The following PCDH10 variants were observed in gnomAD, a reference collection of about 807,000 sequenced individuals.
PCDH10 encodes protocadherin-10.
PCDH10 carries 15 observed loss-of-function variants against 74.4 expected under a neutral mutation model. The observed-to-expected ratio is 0.20, with a 90% CI of 0.13 to 0.31. The LOEUF (loss-of-function observed/expected upper bound fraction) is 0.31. Ranked by LOEUF, PCDH10 falls within the 10% of genes least tolerant of loss-of-function variation. The probability of loss-of-function intolerance (pLI) is 1.00; values close to 1 mark genes in which losing one functional copy is unlikely to be tolerated. For missense variants in PCDH10, 1,260 were observed against 1,390.2 expected, an observed-to-expected ratio of 0.91 and a Z score of 1.49; for synonymous variants, 619 against 589.8, an observed-to-expected ratio of 1.05 and a Z score of -0.72.
In PCDH10 at chr4:133,151,765, A is replaced by G; in HGVS notation, c.1625A>G (p.Gln542Arg). ...GAGCAGCTGAAGGACTTCAGTTTTC[A>G]GGTGGAAGCCCGGGACGCTGGCAGC... ...DYEQLKDFSF[Q>R]VEARDAGSPQ... Residue 542 changes from glutamine (Q) to arginine (R), a missense_variant, in exon 1 of 5, where the codon CAG becomes CGG. By Grantham distance (43) the Gln-to-Arg change is conservative (BLOSUM62 1). Coordinates refer to ENST00000264360, the MANE Select transcript of PCDH10 (RefSeq NM_032961.3). 6.8e-6 allele frequency: 11 copies of G among 1,613,124 alleles called. No individual in the cohort carries two copies. Among genetic ancestry groups the G allele is most frequent in the Non-Finnish European group, 9.3e-6 (11 of 1,180,044 alleles).
intron 3 of PCDH10, among the ~76,000 whole-genome samples, chr4:133,160,869 C>G (rs1300172662): frequency 6.6e-6 from 1 of 151,728 alleles, no homozygotes; most frequent in East Asian, 1.9e-4. Flanking sequence ...TAATTTTACT[C>G]TTAAAGACGT....
intron 4 of PCDH10, among the ~76,000 whole-genome samples, chr4:133,186,513 G>A (rs1384611534): frequency 1.3e-5 from 2 of 152,056 alleles, no homozygotes; most frequent in Admixed American, 6.6e-5. Context: ...ATATTAGAAA[G>A]CATAGAGATT....
chr4:133,193,334 A>T lies in PCDH10; in HGVS notation c.*3174A>T, dbSNP rs1040716125. 7 of 151,716 alleles carry T rather than the reference A, an allele frequency of 4.6e-5. No individual in the cohort carries two copies. The highest frequency in any genetic ancestry group is 2.6e-4 in the Admixed American group (4 of 15,190). 9.4% of individuals were successfully genotyped at this position (151,716 alleles called of 1,614,324 possible). On this transcript the variant is annotated 3_prime_UTR_variant, in exon 5 of 5. Coordinates refer to ENST00000264360, the MANE Select transcript of PCDH10 (RefSeq NM_032961.3). ...GTGTATTTTATTTTTTAAAGATATT[A>T]AATGCACTGCCTTTATCAAACATTG...
At chr4:133,153,325 A>G (rs1273722419) in intron 1 of PCDH10, 1 of 951,872 alleles carries the variant, frequency 1.1e-6, no homozygotes, top group Non-Finnish European at 1.3e-6. Flanking sequence ...CGGGTTGCAA[A>G]AAAAGCCTTC....
chr4:133,174,995 A>T (rs1727264305), intron 4 of PCDH10, among the ~76,000 whole-genome samples: 1 of 151,654 alleles, frequency 6.6e-6, no homozygotes, highest in East Asian at 1.9e-4. Context: ...TTCCTTGATA[A>T]TGTAAATCAC....
rs1203058684 is a variant in PCDH10 at position 133,193,966 on chromosome 4, C to T, written c.*3806C>T. 7.3e-5 allele frequency: 11 copies of T among 151,552 alleles called. No homozygotes were observed. 9.4% of individuals were successfully genotyped at this position (151,552 alleles called of 1,614,324 possible). ...AAAATTATTTTATATATTGTTAGTA[C>T]TTCAACAAACATCCCTCTGCTAAGT... On this transcript the variant is annotated 3_prime_UTR_variant, in exon 5 of 5. Coordinates refer to ENST00000264360, the MANE Select transcript of PCDH10 (RefSeq NM_032961.3).
In PCDH10 at chr4:133,151,888, G is replaced by A; in HGVS notation, c.1748G>A (p.Gly583Glu). ...GTGGCGCCTCTACCAGGGCGCAACG[G>A]GACTCCAGCGCGTGAGGTGCTGCCC... ...AIVAPLPGRNGTPAREVLPRS... is the reference protein window; with the variant it reads ...AIVAPLPGRNETPAREVLPRS... The change falls in exon 1 of 5, where the codon GGG becomes GAG. Residue 583 changes from glycine to glutamate, a missense_variant. Coordinates refer to ENST00000264360, the MANE Select transcript of PCDH10 (RefSeq NM_032961.3). 1 of 1,612,966 alleles carries A rather than the reference G, an allele frequency of 6.2e-7. No homozygotes were observed. Among genetic ancestry groups the A allele is most frequent in the Non-Finnish European group, 8.5e-7 (1 of 1,179,976 alleles).
At chr4:133,153,344 T>C in intron 1 of PCDH10, 1 of 785,028 alleles carries the variant, frequency 1.3e-6, no homozygotes, top group Non-Finnish European at 1.6e-6. Context: ...TCAGTTCGGC[T>C]CTGGACAGCA....
chr4:133,202,365 G>A (rs563252315), intron 2 of PCDH10, among the ~76,000 whole-genome samples: 16 of 152,190 alleles, frequency 1.1e-4, no homozygotes, highest in South Asian at 2.1e-4. Flanking sequence ...TTAAACTAGC[G>A]GCTCGAGGTC....
intron 4 of PCDH10, among the ~76,000 whole-genome samples, chr4:133,180,973 A>G (rs1727403455): frequency 6.6e-6 from 1 of 151,830 alleles, no homozygotes; most frequent in African/African-American, 2.4e-5. Context: ...TCAAATCTCT[A>G]ATTATCTGAT....
chr4:133,182,830 G>A (rs1727445280), intron 4 of PCDH10, among the ~76,000 whole-genome samples: 1 of 151,912 alleles, frequency 6.6e-6, no homozygotes, highest in South Asian at 2.1e-4. Flanking sequence ...TTTCTCCTAA[G>A]GGAAAATTTA....
intron 2 of PCDH10, among the ~76,000 whole-genome samples, chr4:133,205,595 T>A (rs1012152447): frequency 6.6e-5 from 10 of 152,122 alleles, no homozygotes; most frequent in Non-Finnish European, 1.0e-4. Context: ...ATTACTCTCA[T>A]CATTTCTTCC....
chr4:133,170,534 T>A (rs1578567610), intron 4 of PCDH10, among the ~76,000 whole-genome samples: 1 of 152,200 alleles, frequency 6.6e-6, no homozygotes, highest in African/African-American at 2.4e-5. Context: ...TTAAATTTAA[T>A]TTTTAATTAT....
intron 1 of PCDH10, chr4:133,153,818 T>C (rs558094444): frequency 6.5e-6 from 1 of 153,858 alleles, no homozygotes; most frequent in South Asian, 2.0e-4. Context: ...TCATGAATAT[T>C]TGTACAGCTC....
At position 133,184,787 on chromosome 4, in the gene PCDH10, T is replaced by A. The variant is rs202015008; in HGVS notation, c.3104-5354T>A. On this transcript the variant is annotated intron_variant, in intron 4 of 4. Transcript: ENST00000264360. Reference sequence around the variant, plus strand: ...GTAAATATATAAATATATATATAAATATATATATTTATATATATATATTTA... The same window carrying A: ...GTAAATATATAAATATATATATAAAAATATATATTTATATATATATATTTA... Among the ~76,000 whole-genome samples the A allele has an allele frequency of 2.2e-4, 22 of 98,258 alleles. No homozygotes were observed. The Admixed American group carries it at 2.3e-3, about 10-fold the overall frequency. 64.5% of individuals were successfully genotyped at this position (98,258 alleles called of 152,430 possible).
rs1578579333 is a variant in PCDH10, at chr4:133,193,578, A to C, written c.*3418A>C. 6.6e-6 allele frequency: 1 copy of C among 151,758 alleles called. No individual in the cohort carries two copies. Among genetic ancestry groups the C allele is most frequent in the Non-Finnish European group, 1.5e-5 (1 of 67,646 alleles). 9.4% of individuals were successfully genotyped at this position (151,758 alleles called of 1,614,324 possible). On this transcript the variant is annotated 3_prime_UTR_variant, in exon 5 of 5. Coordinates refer to ENST00000264360, the MANE Select transcript of PCDH10 (RefSeq NM_032961.3). ...TTCTAAACATTATTTACTGGAGCTC[A>C]GTTAGTCTTTAAAACAATTACTCAG...
chr4:133,170,424 A>G (rs1489385299), intron 4 of PCDH10, among the ~76,000 whole-genome samples: 1 of 152,128 alleles, frequency 6.6e-6, no homozygotes, highest in East Asian at 1.9e-4. Flanking sequence ...TCAACAAGGG[A>G]TTATAAATAC....
In PCDH10 at chr4:133,191,258, A is replaced by G. The variant is rs1325372279; in HGVS notation, c.*1098A>G. 1 of 152,250 alleles carries G rather than the reference A, an allele frequency of 6.6e-6. No individual in the cohort carries two copies. The highest frequency in any genetic ancestry group is 2.4e-5 in the African/African-American group (1 of 41,444). The allele number at this position is 152,250 out of a possible 1,614,324, so 9.4% of individuals were successfully genotyped here. On this transcript the variant is annotated 3_prime_UTR_variant, in exon 5 of 5. Coordinates refer to ENST00000264360, the MANE Select transcript of PCDH10 (RefSeq NM_032961.3). ...AGAAGTCATCAGTCATATCACTCACACAGAATTTTATTTTACATAGTTTTG... is the reference window on the plus strand; with the variant it reads ...AGAAGTCATCAGTCATATCACTCACGCAGAATTTTATTTTACATAGTTTTG...
At chr4:133,172,607 A>G (rs1300853891) in intron 4 of PCDH10, among the ~76,000 whole-genome samples, 3 of 152,036 alleles carry the variant, frequency 2.0e-5, no homozygotes, top group East Asian at 1.9e-4. Flanking sequence ...GCCCACTTAC[A>G]GTTACTACCA....
Sources: gnomAD v4.1 joint callset for allele counts (sites outside exome capture counted in the v4.1 genomes callset) on GRCh38, gnomAD v4.1.1 for gene constraint, MANE v1.5 for transcripts, NCBI Gene and HGNC (gene_info 2026-07-23, HGNC 2026-07-21) for gene names.